The following PHF19 variants were observed in gnomAD, a reference collection of about 807,000 sequenced individuals.
The protein encoded by PHF19 is polycomb like 3.
PHF19 carries 21 observed loss-of-function variants against 79.8 expected under a neutral mutation model. The observed-to-expected ratio is 0.26, with a 90% CI of 0.19 to 0.38. The LOEUF (loss-of-function observed/expected upper bound fraction) is 0.38. Among genes scored for constraint, PHF19 ranks in the 10% least tolerant of loss-of-function variants. The pLI is 1.00. For missense variants in PHF19, 445 were observed against 744.2 expected (o/e 0.60, Z 4.68); for synonymous variants, 273 against 296.3 (o/e 0.92, Z 0.81).
upstream of PHF19, chr9:120,895,000 C>T (rs1035304372): frequency 1.6e-5 from 6 of 373,454 alleles, no homozygotes; most frequent in African/African-American, 1.3e-4. Context: ...AGGACCTTCT[C>T]TTGTATTTGT....
At chr9:120,899,414 T>C (rs2046423627), upstream of PHF19, among the ~76,000 whole-genome samples, 1 of 147,952 alleles carries the variant, frequency 6.8e-6, no homozygotes, top group African/African-American at 2.5e-5. Flanking sequence ...GAGAATGGTG[T>C]GAACCTGGGA....
At position 120,858,380 on chromosome 9, in the gene PHF19, G is replaced by A. The variant is rs2045408668; in HGVS notation, c.1401-94C>T. 3 of 976,790 alleles carry A rather than the reference G, an allele frequency of 3.1e-6. No individual in the cohort carries two copies. The East Asian group carries it at 8.3e-5, about 27-fold the overall frequency. 60.5% of individuals were successfully genotyped at this position (976,790 alleles called of 1,614,324 possible). ...GAGTCCTCCCCTCAGTACCAGGAAA[G>A]TGGAAGAGAAAAGCGCTGAACAGCA... On this transcript the variant is annotated intron_variant, in intron 14 of 14. Transcript: ENST00000373896.
Position 120,893,622 on chromosome 9 carries a change from T to G in PHF19, c.42+1166A>C, listed in dbSNP as rs571909850. Among the ~76,000 whole-genome samples, 4 of 152,312 alleles carry G rather than the reference T, an allele frequency of 2.6e-5. No individual in the cohort carries two copies. The East Asian group carries it at 7.7e-4, about 29-fold the overall frequency. On this transcript the variant is annotated intron_variant, in intron 1 of 14. Coordinates refer to the PHF19 transcript ENST00000616568. Reference sequence around the variant, plus strand: ...TTCATCTTTGAACGGTTCCTTGACCTTTTGCTTGACAGATGCACGCATGCT... The same window carrying G: ...TTCATCTTTGAACGGTTCCTTGACCGTTTGCTTGACAGATGCACGCATGCT...
chr9:120,883,974 G>A (rs2046227686), intron 1 of PHF19, among the ~76,000 whole-genome samples: 1 of 151,996 alleles, frequency 6.6e-6, no homozygotes, highest in African/African-American at 2.4e-5. Flanking sequence ...TCCCTCACTC[G>A]GTAACCTAGG....
intron 1 of PHF19, among the ~76,000 whole-genome samples, chr9:120,887,231 G>T (rs1261958473): frequency 1.3e-5 from 2 of 151,512 alleles, no homozygotes; most frequent in African/African-American, 4.9e-5. Flanking sequence ...AAGGTGGGCG[G>T]ATCACCTGAG....
At position 120,870,664 on chromosome 9, in the gene PHF19, A is replaced by C; in HGVS notation, c.269-126T>G. On this transcript the variant is annotated intron_variant, in intron 3 of 14. Transcript: ENST00000373896. This position sits in a 1 kb window ranked among gnomAD's most constrained non-coding sequence, Gnocchi z 4.4. ...CTGGGCCCCACATGCCACCTCACTG[A>C]ATCTCCCCAACCACTCTGAGATGCC... 1.6e-6 allele frequency: 1 copy of C among 639,458 alleles called. No individual in the cohort carries two copies. The highest frequency in any genetic ancestry group is 1.8e-5 in the South Asian group (1 of 55,932). The allele number at this position is 639,458 out of a possible 1,614,324, so 39.6% of individuals were successfully genotyped here.
chr9:120,864,671 A>G (rs976618833), intron 9 of PHF19, among the ~76,000 whole-genome samples: 1 of 152,238 alleles, frequency 6.6e-6, no homozygotes, highest in African/African-American at 2.4e-5. Context: ...CGACAGAGGG[A>G]GACTCCGTCT....
chr9:120,897,974 G>A (rs1179410565), upstream of PHF19, among the ~76,000 whole-genome samples: 4 of 70,146 alleles, frequency 5.7e-5, no homozygotes, highest in South Asian at 1.3e-3. Flanking sequence ...GTGAGACCCC[G>A]TCTCAAAAAA....
chr9:120,872,149 A>C (rs766392145), intron 3 of PHF19, among the ~76,000 whole-genome samples: 4 of 151,566 alleles, frequency 2.6e-5, no homozygotes, highest in Non-Finnish European at 5.9e-5. Context: ...CGTTTGTTGA[A>C]TATATGGCCA....
chr9:120,862,651 C>A lies in PHF19; in HGVS notation c.1067G>T (p.Gly356Val). Residue 356 changes from glycine to valine, a missense_variant, in exon 11 of 15, where the codon GGA becomes GTA. Gly to Val is a moderately radical substitution (Grantham distance 109). Transcript: ENST00000373896. The surrounding 1 kb of genome is among the most constrained non-coding windows in gnomAD (Gnocchi z 4.6). ...NPPGKLLPDK[G>V]LLPNENSASS... is the part of the protein sequence containing the mutation. ...GGCGCTGTTCTCATTTGGCAGCAGTCCTTTGTCAGGCAGCAGCTTCCCTGG... is the reference window on the plus strand; with the variant it reads ...GGCGCTGTTCTCATTTGGCAGCAGTACTTTGTCAGGCAGCAGCTTCCCTGG... The A allele has an allele frequency of 6.2e-7, 1 of 1,614,196 alleles. No individual in the cohort carries two copies. The highest frequency in any genetic ancestry group is 1.7e-4 in the Middle Eastern group (1 of 6,048).
At chr9:120,876,703 C>G (rs1383632527) in intron 1 of PHF19, among the ~76,000 whole-genome samples, 3 of 152,216 alleles carry the variant, frequency 2.0e-5, no homozygotes, top group Non-Finnish European at 4.4e-5. Flanking sequence ...TGCAGAAGCA[C>G]CCCCTTCGGG....
the PHF19 span, chr9:120,902,702 A>C: frequency 6.6e-6 from 1 of 152,218 alleles, no homozygotes. Context: ...CTGAGCTTAA[A>C]GGCCTGAAGC....
intron 1 of PHF19, among the ~76,000 whole-genome samples, chr9:120,875,428 G>A (rs1192367346): frequency 6.6e-6 from 1 of 152,148 alleles, no homozygotes; most frequent in African/African-American, 2.4e-5. Flanking sequence ...CTCCACGCCT[G>A]TCTCTCACCA....
intron 1 of PHF19, among the ~76,000 whole-genome samples, chr9:120,875,683 T>C (rs900307193): frequency 3.9e-5 from 6 of 152,186 alleles, no homozygotes; most frequent in Non-Finnish European, 8.8e-5. Flanking sequence ...GCCTTGTGCT[T>C]ACCTCCACTA....
At chr9:120,876,839 A>ATTAAAG (rs2046075767) in intron 1 of PHF19, 1 of 273,646 alleles carries the variant, frequency 3.7e-6, no homozygotes, top group African/African-American at 2.3e-5. Context: ...CCGATAGGAA[A>ATTAAAG]ATTAAAGATC....
In PHF19 at chr9:120,869,049, C is replaced by T. The variant is rs572415942; in HGVS notation, c.614+133G>A. 8 of 1,027,214 alleles carry T rather than the reference C, an allele frequency of 7.8e-6. No individual in the cohort carries two copies. Among genetic ancestry groups the T allele is most frequent in the East Asian group, 6.1e-5 (2 of 32,770 alleles). The allele number at this position is 1,027,214 out of a possible 1,614,324, so 63.6% of individuals were successfully genotyped here. ...GCCCCTCGAGGCCCCGCCCCCACAG[C>T]GCAACACACTGGGCCCGCCCTCAAG... On this transcript the variant is annotated intron_variant, in intron 6 of 14. Coordinates refer to ENST00000373896, the MANE Select transcript of PHF19 (RefSeq NM_015651.3). The surrounding 1 kb of genome is among the most constrained non-coding windows in gnomAD (Gnocchi z 5.8).
chr9:120,876,952 C>T (rs1036975472), intron 1 of PHF19, 139 bp downstream of exon 1: 4 of 984,506 alleles, frequency 4.1e-6, no homozygotes, highest in African/African-American at 1.7e-5. Context: ...GTCCCCACCC[C>T]CGAGAGCCCC....
At chr9:120,885,802 G>A (rs902993813) in intron 1 of PHF19, among the ~76,000 whole-genome samples, 4 of 152,148 alleles carry the variant, frequency 2.6e-5, no homozygotes, top group African/African-American at 9.7e-5. Context: ...CTGTTTGAGT[G>A]TTCCATGACA....
chr9:120,895,425 A>T (rs1342429841), upstream of PHF19, among the ~76,000 whole-genome samples: 3 of 152,056 alleles, frequency 2.0e-5, no homozygotes, highest in African/African-American at 7.2e-5. Context: ...TCTCAAAAAA[A>T]TAAAAAATAT....
Sources: gnomAD v4.1 joint callset for allele counts (sites outside exome capture counted in the v4.1 genomes callset) on GRCh38, gnomAD v4.1.1 for gene constraint, Gnocchi (gnomAD v3.1) non-coding constraint, MANE v1.5 for transcripts, NCBI Gene and HGNC (gene_info 2026-07-23, HGNC 2026-07-21) for gene names.